ETFB: variants seen among roughly 807,000 people sequenced by gnomAD.
ETFB encodes the protein electron transfer flavoprotein subunit beta.
A neutral mutation model predicts 25.6 loss-of-function variants in ETFB; 20 were observed. That is an observed-to-expected ratio of 0.78 (90% CI 0.55 to 1.14). The LOEUF (loss-of-function observed/expected upper bound fraction) is 1.14. Ranked by LOEUF, ETFB falls within the 50% of genes most tolerant of loss-of-function variation. The pLI is 0.00. For missense variants in ETFB, 286 were observed against 342.6 expected (o/e 0.83, Z 1.30); for synonymous variants, 142 against 146.7 (o/e 0.97, Z 0.23).
intron 4 of ETFB, chr19:51,350,071 C>A: frequency 2.2e-6 from 1 of 455,916 alleles, no homozygotes; most frequent in Non-Finnish European, 4.1e-6. Flanking sequence ...TTCTATTGGA[C>A]TGGCAGAGAT....
chr19:51,351,731 G>C (rs1204165835), intron 3 of ETFB, among the ~76,000 whole-genome samples: 1 of 152,164 alleles, frequency 6.6e-6, no homozygotes, highest in East Asian at 1.9e-4. Flanking sequence ...GTTTTCTTCT[G>C]ACTTTCTCAG....
At chr19:51,357,978 G>A (rs1389002893) in intron 1 of ETFB, among the ~76,000 whole-genome samples, 1 of 152,202 alleles carries the variant, frequency 6.6e-6, no homozygotes, top group African/African-American at 2.4e-5. Flanking sequence ...GCCATGGTTC[G>A]TGATGGGAAG....
chr19:51,364,508 C>T (rs73934362), intron 1 of ETFB, among the ~76,000 whole-genome samples: 2,038 of 152,288 alleles, frequency 0.013, 20 homozygotes, highest in South Asian at 0.04. Flanking sequence ...GATGCTGGGA[C>T]CAGAGCTGAG....
intron 4 of ETFB, chr19:51,350,126 C>T (rs1331041366): frequency 1.6e-5 from 9 of 569,710 alleles, no homozygotes; most frequent in Non-Finnish European, 2.8e-5. Flanking sequence ...ATGAGTATTT[C>T]ACGTAGGATG....
At position 51,366,260 on chromosome 19, in the gene ETFB, G is replaced by C; in HGVS notation, c.57+10C>G. 6.2e-7 allele frequency: 1 copy of C among 1,613,478 alleles called. No individual in the cohort carries two copies. The highest frequency in any genetic ancestry group is 8.5e-7 in the Non-Finnish European group (1 of 1,179,528). ...GGACTCAGGGATGTGGGAGAGGGGG[G>C]CCCGATCACCTTCACGGCGTAGTCG... On this transcript the variant is annotated intron_variant, in intron 1 of 5. Transcript: ENST00000309244.
chr19:51,350,363 C>G lies in ETFB; in HGVS notation c.404G>C (p.Gly135Ala), dbSNP rs1446167385. Residue 135 changes from glycine (G) to alanine (A), a missense_variant, in exon 4 of 6, where the codon GGG (glycine) becomes GCG (alanine). Physicochemically the swap from Gly to Ala is moderately conservative, Grantham distance 60. Transcript: ENST00000309244. ...GTCAAGAAATCCAGCTGTCATCTGC[C>G]CTGTCTGGTTACAGTCATCATCGAT... ...QAIDDDCNQTGQMTAGFLDWP... is the reference protein window; with the variant it reads ...QAIDDDCNQTAQMTAGFLDWP... The G allele has an allele frequency of 2.5e-6, 4 of 1,606,006 alleles. No homozygotes were observed. Among genetic ancestry groups the G allele is most frequent in the Non-Finnish European group, 3.4e-6 (4 of 1,174,330 alleles).
chr19:51,346,712 A>C (rs887630719), intron 5 of ETFB, 188 bp downstream of exon 5: 1 of 612,756 alleles, frequency 1.6e-6, no homozygotes, highest in Non-Finnish European at 2.9e-6. Flanking sequence ...AGCAGCCCCC[A>C]TGAACTCTCA....
chr19:51,354,511 T>A, intron 1 of ETFB: 4 of 1,614,200 alleles, frequency 2.5e-6, no homozygotes, highest in Non-Finnish European at 3.4e-6. Context: ...CCTTCTCTCA[T>A]CCAGCCATTC....
chr19:51,349,799 G>A (rs1985887557), intron 4 of ETFB, among the ~76,000 whole-genome samples: 1 of 151,844 alleles, frequency 6.6e-6, no homozygotes, highest in Admixed American at 6.6e-5. Context: ...CCAGGCTGGA[G>A]TGCAGTGGCG....
Position 51,366,348 on chromosome 19 carries a change from A to G in ETFB, c.-22T>C, listed in dbSNP as rs768140061. ...CCATCTTCCCGCCGCAGCCACTTACAGGGTCAGCCCGCACCCTCAGCGGCT... is the reference window on the plus strand; with the variant it reads ...CCATCTTCCCGCCGCAGCCACTTACGGGGTCAGCCCGCACCCTCAGCGGCT... On this transcript the variant is annotated 5_prime_UTR_variant, in exon 1 of 6. Coordinates refer to ENST00000309244, the MANE Select transcript of ETFB (RefSeq NM_001985.3). 8 of 1,611,468 alleles carry G rather than the reference A, an allele frequency of 5.0e-6. No individual in the cohort carries two copies. The highest frequency in any genetic ancestry group is 6.8e-6 in the Non-Finnish European group (8 of 1,179,540).
rs370522844 is a variant in ETFB at position 51,345,219 on chromosome 19, G to A, written c.760C>T (p.Arg254Trp). The change falls in exon 6 of 6, where the codon CGG becomes TGG. Residue 254 changes from arginine (R) to tryptophan (W), a missense_variant. Arg to Trp is a moderately radical substitution (Grantham distance 101). Coordinates refer to ENST00000309244, the MANE Select transcript of ETFB (RefSeq NM_001985.3). ...CCATCTCTGGGAGGGGCTCAAATCC[G>A]CCCAATCTCCTTCAGCTTGGCCACC... ...DLVAKLKEIG[R>W]I The A allele has an allele frequency of 3.8e-5, 62 of 1,614,114 alleles. No homozygotes were observed. The highest frequency in any genetic ancestry group is 1.2e-4 in the South Asian group (11 of 91,082).
intron 5 of ETFB, 167 bp downstream of exon 5, chr19:51,346,733 A>G: frequency 1.5e-6 from 1 of 663,644 alleles, no homozygotes. Context: ...GTATTGGCAG[A>G]GATGACCCAG....
intron 1 of ETFB, among the ~76,000 whole-genome samples, chr19:51,360,427 A>T (rs1420559351): frequency 4.6e-5 from 7 of 152,042 alleles, no homozygotes; most frequent in Non-Finnish European, 7.4e-5. Context: ...AAGAAAAAAA[A>T]AATTTTTTTA....
rs142731126 is a variant in ETFB, at chr19:51,362,332, C to T, written c.57+3938G>A. On this transcript the variant is annotated intron_variant, in intron 1 of 5. Coordinates refer to ENST00000309244, the MANE Select transcript of ETFB (RefSeq NM_001985.3). ...GTGGCTCACACCTGTAATCCCAGCA[C>T]GTTGGGAGGCTGAGGCGGGTGGATT... 5.3e-5 allele frequency among the ~76,000 whole-genome samples: 8 copies of T among 152,170 alleles called. No homozygotes were observed. The East Asian group carries it at 5.8e-4, about 11-fold the overall frequency.
At chr19:51,345,580 A>AG in intron 5 of ETFB, 199 bp from the exon 6 acceptor site, 3 of 625,246 alleles carry the variant, frequency 4.8e-6, no homozygotes, top group Non-Finnish European at 8.6e-6. Flanking sequence ...AGGCCCTGGG[A>AG]GGCCCAACTA....
intron 1 of ETFB, among the ~76,000 whole-genome samples, chr19:51,359,474 G>A (rs547503091): frequency 2.4e-4 from 37 of 152,038 alleles, no homozygotes; most frequent in African/African-American, 8.4e-4. Flanking sequence ...GGAGGCTTCT[G>A]AAGGGCCTCA....
At chr19:51,366,119 T>C (rs1016211908) in intron 1 of ETFB, 151 bp downstream of exon 1, 1 of 756,202 alleles carries the variant, frequency 1.3e-6, no homozygotes. Flanking sequence ...AACTTCACTC[T>C]TGGATTTTTG....
At chr19:51,346,625 A>T in intron 5 of ETFB, 1 of 444,072 alleles carries the variant, frequency 2.3e-6, no homozygotes, top group Non-Finnish European at 4.1e-6. Context: ...GGCTGGAATG[A>T]CAAAGGGAAC....
Position 51,366,306 on chromosome 19 carries a change from G to C in ETFB, c.21C>G (p.Leu7=), listed in dbSNP as rs200019312. The C allele has an allele frequency of 7.4e-6, 12 of 1,613,506 alleles. No individual in the cohort carries two copies. The highest frequency in any genetic ancestry group is 1.7e-4 in the Middle Eastern group (1 of 5,716). The change falls in exon 1 of 6, where the codon CTC becomes CTG. Residue 7 remains leucine, a synonymous_variant. Transcript: ENST00000309244. MAELRV[L]VAVKRVIDYA... is the part of the protein sequence containing the mutation. ...AGTCGATGACCCTCTTGACAGCTAC[G>C]AGCACGCGCAGCTCCGCCATCTTCC...
Sources: allele counts gnomAD v4.1 joint callset (sites outside exome capture counted in the v4.1 genomes callset), GRCh38; gene constraint gnomAD v4.1.1; transcripts MANE v1.5; gene names NCBI Gene and HGNC (gene_info 2026-07-23, HGNC 2026-07-21).